Variants in SEC24B observed in about 807,000 individuals in gnomAD.
SEC24B encodes SEC24 homolog B, COPII component.
SEC24B carries 45 observed loss-of-function variants against 142.8 expected under a neutral mutation model. The ratio of observed to expected loss-of-function variants is 0.32; its 90% confidence interval spans 0.25 to 0.40. SEC24B has a LOEUF of 0.40. Ranked by LOEUF, SEC24B falls within the 10% of genes least tolerant of loss-of-function variation. The pLI, the probability that SEC24B is intolerant of heterozygous loss-of-function variation, is 1.00. For synonymous variants in SEC24B, 574 were observed against 568.2 expected (o/e 1.01, Z -0.15); for missense variants, 1,409 against 1,526.8 (o/e 0.92, Z 1.29).
chr4:109,498,464 A>T (rs1735762648), intron 6 of SEC24B, among the ~76,000 whole-genome samples: 1 of 152,184 alleles, frequency 6.6e-6, no homozygotes, highest in Admixed American at 6.5e-5. Context: ...TTCCAGATTC[A>T]AGCGATTCTC....
intron 9 of SEC24B, 75 bp downstream of exon 9, chr4:109,512,158 G>T: frequency 7.5e-7 from 1 of 1,334,676 alleles, no homozygotes; most frequent in Non-Finnish European, 1.0e-6. Context: ...TCATCTCCTG[G>T]TTTCTCTCTT....
intron 6 of SEC24B, among the ~76,000 whole-genome samples, chr4:109,501,398 GACTACAC>G (rs1254064788): frequency 6.6e-6 from 1 of 152,154 alleles, no homozygotes; most frequent in African/African-American, 2.4e-5. Context: ...TAAGCGACGT[GACTACAC>G]ACACAATTTG....
At chr4:109,515,772 G>A (rs1722779192) in intron 10 of SEC24B, among the ~76,000 whole-genome samples, 2 of 152,132 alleles carry the variant, frequency 1.3e-5, no homozygotes, top group Admixed American at 6.6e-5. Context: ...AGGCACAGTG[G>A]CTCACACCAG....
chr4:109,492,696 C>A (rs1408384973), intron 5 of SEC24B, among the ~76,000 whole-genome samples: 1 of 152,096 alleles, frequency 6.6e-6, no homozygotes, highest in African/African-American at 2.4e-5. Context: ...TAGAATAGAT[C>A]TATAGAAACC....
intron 2 of SEC24B, among the ~76,000 whole-genome samples, chr4:109,469,733 G>C (rs2125951216): frequency 6.6e-6 from 1 of 152,268 alleles, no homozygotes; most frequent in Middle Eastern, 3.4e-3. Context: ...CCTTGGAGTA[G>C]GGAAGGAATT....
At chr4:109,495,290 A>G (rs978603591) in intron 6 of SEC24B, among the ~76,000 whole-genome samples, 3 of 152,216 alleles carry the variant, frequency 2.0e-5, no homozygotes, top group Non-Finnish European at 4.4e-5. Context: ...TTTATGACAC[A>G]TAACTCACCT....
Position 109,495,705 on chromosome 4 carries a change from T to C in SEC24B, c.1488+849T>C, listed in dbSNP as rs1441708001. On this transcript the variant is annotated intron_variant, in intron 6 of 23. Coordinates refer to ENST00000265175, the MANE Select transcript of SEC24B (RefSeq NM_006323.5). Reference sequence around the variant, plus strand: ...AATGAATTATCTTTGGCCAGCACCATCTTGTCTGCTCGTGTGACTGGCAGA... The same window carrying C: ...AATGAATTATCTTTGGCCAGCACCACCTTGTCTGCTCGTGTGACTGGCAGA... Among the ~76,000 whole-genome samples, 3 of 152,306 alleles carry C rather than the reference T, an allele frequency of 2.0e-5. No homozygotes were observed. The East Asian group carries it at 5.8e-4, about 29-fold the overall frequency.
intron 2 of SEC24B, among the ~76,000 whole-genome samples, chr4:109,465,449 T>C (rs1163070653): frequency 1.5e-5 from 2 of 131,502 alleles, no homozygotes; most frequent in Non-Finnish European, 3.2e-5. Context: ...TTGAATTGCC[T>C]GTGGTCATTA....
At chr4:109,471,141 T>G (rs575980776) in intron 2 of SEC24B, among the ~76,000 whole-genome samples, 1 of 152,272 alleles carries the variant, frequency 6.6e-6, no homozygotes, top group East Asian at 1.9e-4. Context: ...ATACCTGATA[T>G]GATTTCATTT....
intron 11 of SEC24B, among the ~76,000 whole-genome samples, chr4:109,518,708 A>G (rs532902671): frequency 5.9e-5 from 9 of 152,206 alleles, no homozygotes; most frequent in Admixed American, 2.0e-4. Context: ...ACAAGTGCTT[A>G]CTTCAAAAAT....
chr4:109,513,959 T>C, intron 10 of SEC24B, 103 bp downstream of exon 10: 3 of 703,860 alleles, frequency 4.3e-6, no homozygotes. Flanking sequence ...TTGTTTATAC[T>C]CATAATTTTT....
chr4:109,470,381 A>T (rs1189623126), intron 2 of SEC24B, among the ~76,000 whole-genome samples: 1 of 152,242 alleles, frequency 6.6e-6, no homozygotes, highest in Non-Finnish European at 1.5e-5. Context: ...AGGTGTTGCT[A>T]GTCTGTAGAC....
chr4:109,507,991 G>T (rs577610385), intron 7 of SEC24B, among the ~76,000 whole-genome samples: 27 of 152,166 alleles, frequency 1.8e-4, no homozygotes, highest in Non-Finnish European at 2.9e-4. Context: ...TAAAAAAAAA[G>T]CGGCAAACCA....
chr4:109,445,850 G>A (rs1235623193), intron 1 of SEC24B, among the ~76,000 whole-genome samples: 1 of 152,046 alleles, frequency 6.6e-6, no homozygotes, highest in African/African-American at 2.4e-5. Context: ...GGGATCACAG[G>A]TGTGAGCCAC....
At position 109,525,403 on chromosome 4, in the gene SEC24B, C is replaced by G; in HGVS notation, c.2690C>G (p.Thr897Ser). ...TATTATTATCCATCATTCCACTATA[C>G]TCACAATCCTTCACAAGCAGAAAAG... The part of the protein sequence containing the change: ...CIYYYPSFHY[T>S]HNPSQAEKLQ... Residue 897 changes from threonine (T) to serine (S), a missense_variant, in exon 16 of 24, where the codon ACT (threonine) becomes AGT (serine). Thr to Ser is a moderately conservative substitution (Grantham distance 58). Around this residue, in one of 2 missense-constraint regions of SEC24B, gnomAD observed 700 missense variants for 853.3 expected, o/e 0.82. Coordinates refer to ENST00000265175, the MANE Select transcript of SEC24B (RefSeq NM_006323.5). The G allele has an allele frequency of 6.2e-7, 1 of 1,611,842 alleles. No individual in the cohort carries two copies. Among genetic ancestry groups the G allele is most frequent in the South Asian group, 1.1e-5 (1 of 90,754 alleles).
At chr4:109,519,416 G>T (rs531830167) in intron 11 of SEC24B, among the ~76,000 whole-genome samples, 1 of 152,308 alleles carries the variant, frequency 6.6e-6, no homozygotes, top group South Asian at 2.1e-4. Flanking sequence ...AAAAGAAAAA[G>T]AAAGTGACAG....
At position 109,473,172 on chromosome 4, in the gene SEC24B, T is replaced by C; in HGVS notation, c.1046T>C (p.Leu349Pro). The C allele has an allele frequency of 1.9e-6, 3 of 1,569,834 alleles. No homozygotes were observed. Among genetic ancestry groups the C allele is most frequent in the Non-Finnish European group, 2.6e-6 (3 of 1,158,852 alleles). The change falls in exon 3 of 24, where the codon CTA becomes CCA. Residue 349 changes from leucine (L) to proline (P), a missense_variant. By Grantham distance (98) the Leu-to-Pro change is moderately conservative. Transcript: ENST00000265175. ...PVTSVTQPSE[L>P]LQQKGVQYGE... is the part of the protein sequence containing the mutation. ...ACCTCAGTTACACAGCCATCAGAGCTATTACAACAAAAAGGTATTTGAGAT... is the reference window on the plus strand; with the variant it reads ...ACCTCAGTTACACAGCCATCAGAGCCATTACAACAAAAAGGTATTTGAGAT...
At chr4:109,466,432 A>G (rs1352795246) in intron 2 of SEC24B, among the ~76,000 whole-genome samples, 5 of 152,156 alleles carry the variant, frequency 3.3e-5, no homozygotes, top group African/African-American at 1.2e-4. Flanking sequence ...TGTTTTTGAG[A>G]TGGAGTCTCG....
Position 109,539,566 on chromosome 4 carries a change from A to G in SEC24B, c.3698A>G (p.Glu1233Gly). Residue 1233 changes from glutamate to glycine, a missense_variant, in exon 24 of 24, where the codon GAG (glutamate) becomes GGG (glycine). Glu to Gly is a moderately conservative substitution (Grantham distance 98, BLOSUM62 -2). Coordinates refer to ENST00000265175, the MANE Select transcript of SEC24B (RefSeq NM_006323.5). ...TGCCCTTTTCTTTCTTCCAGAGATG[A>G]GAGTCCTGCCAAAGCAGAATTTTTT... ...LSPILHIVKDESPAKAEFFQH... is the reference protein window; with the variant it reads ...LSPILHIVKDGSPAKAEFFQH... 2 of 1,605,668 alleles carry G rather than the reference A, an allele frequency of 1.2e-6. No individual in the cohort carries two copies. The highest frequency in any genetic ancestry group is 1.7e-6 in the Non-Finnish European group (2 of 1,172,494).
Sources: allele counts gnomAD v4.1 joint callset (sites outside exome capture counted in the v4.1 genomes callset), GRCh38; gene constraint gnomAD v4.1.1; regional missense constraint gnomAD v4.1.1; transcripts MANE v1.5; gene names NCBI Gene and HGNC (gene_info 2026-07-23, HGNC 2026-07-21).